Variants in GALNT5 observed in about 807,000 individuals in gnomAD.
The protein encoded by GALNT5 is UDP-GalNAc:polypeptide N-acetylgalactosaminyltransferase 5.
In GALNT5, 72 loss-of-function variants were observed where a neutral mutation model predicts 85.4. The ratio of observed to expected loss-of-function variants is 0.84; its 90% CI spans 0.70 to 1.03. GALNT5 has a LOEUF of 1.03. GALNT5 is among the 50% of genes least tolerant of loss of function. The pLI is 0.00. For missense variants in GALNT5, 1,137 were observed against 1,135.5 expected (o/e 1.00, Z -0.02); for synonymous variants, 404 against 397.0 (o/e 1.02, Z -0.21).
chr2:157,282,221 C>T (rs764513340), intron 1 of GALNT5, among the ~76,000 whole-genome samples: 6 of 151,904 alleles, frequency 3.9e-5, no homozygotes, highest in Non-Finnish European at 7.4e-5. Context: ...TATCAGCTGT[C>T]AATTTATTTT....
chr2:157,275,269 G>A (rs758442117), intron 1 of GALNT5, among the ~76,000 whole-genome samples: 6 of 152,068 alleles, frequency 3.9e-5, no homozygotes, highest in Non-Finnish European at 8.8e-5. Flanking sequence ...GCGTGATGCC[G>A]CCAGCTTTGT....
intron 1 of GALNT5, among the ~76,000 whole-genome samples, chr2:157,271,933 T>C (rs1250316927): frequency 6.6e-6 from 1 of 152,176 alleles, no homozygotes; most frequent in African/African-American, 2.4e-5. Flanking sequence ...GACCCAGCTC[T>C]GAGAATCTTG....
intron 3 of GALNT5, among the ~76,000 whole-genome samples, chr2:157,291,483 AACATCCCTCAAGGAATCCTAG>A (rs1011475815): frequency 7.2e-5 from 11 of 152,206 alleles, no homozygotes; most frequent in Non-Finnish European, 1.3e-4. Flanking sequence ...ACGCCAAGCC[AACATCCCTCAAGGAATCCTAG>A]ACATAACCAT....
intron 1 of GALNT5, among the ~76,000 whole-genome samples, chr2:157,268,791 C>A (rs532752309): frequency 7.2e-5 from 10 of 139,558 alleles, no homozygotes; most frequent in African/African-American, 1.0e-4. Context: ...TAGATTCCCC[C>A]CCAAGACAAA....
chr2:157,274,116 T>C (rs1470362463), intron 1 of GALNT5, among the ~76,000 whole-genome samples: 5 of 152,050 alleles, frequency 3.3e-5, no homozygotes, highest in African/African-American at 4.8e-5. Context: ...AGAATGATGG[T>C]TTTCAGCTTC....
intron 1 of GALNT5, among the ~76,000 whole-genome samples, chr2:157,283,350 CT>C (rs1299648678): frequency 6.6e-6 from 1 of 152,092 alleles, no homozygotes; most frequent in Non-Finnish European, 1.5e-5. Flanking sequence ...CTGGGCACTG[CT>C]TATGAAGAGT....
At chr2:157,305,426 A>C (rs1408992527) in intron 7 of GALNT5, among the ~76,000 whole-genome samples, 1 of 152,196 alleles carries the variant, frequency 6.6e-6, no homozygotes, top group African/African-American at 2.4e-5. Context: ...GATAAACTTA[A>C]GACAAGAAAA....
chr2:157,276,683 T>C (rs2105132966), intron 1 of GALNT5, among the ~76,000 whole-genome samples: 1 of 152,294 alleles, frequency 6.6e-6, no homozygotes, highest in Admixed American at 6.5e-5. Flanking sequence ...CCCTTTATCA[T>C]TTTTTATTGC....
intron 1 of GALNT5, among the ~76,000 whole-genome samples, chr2:157,282,301 A>G: frequency 6.7e-6 from 1 of 148,728 alleles, no homozygotes; most frequent in Admixed American, 6.6e-5. Flanking sequence ...AAACTCACCA[A>G]TCAATGATTT....
intron 1 of GALNT5, among the ~76,000 whole-genome samples, chr2:157,282,224 T>A (rs905620707): frequency 4.6e-5 from 7 of 151,564 alleles, no homozygotes; most frequent in African/African-American, 1.7e-4. Flanking sequence ...CAGCTGTCAA[T>A]TTATTTTTTT....
chr2:157,299,688 T>A (rs759945237), intron 6 of GALNT5, 23 bp downstream of exon 6: 1 of 1,272,166 alleles, frequency 7.9e-7, no homozygotes, highest in East Asian at 2.3e-5. Flanking sequence ...GTTTCCCAAC[T>A]TTTCTTTACG....
At chr2:157,287,338 AT>A (rs922480092) in intron 3 of GALNT5, among the ~76,000 whole-genome samples, 1 of 151,952 alleles carries the variant, frequency 6.6e-6, no homozygotes, top group African/African-American at 2.4e-5. Flanking sequence ...ATTCTTTTTT[AT>A]TTAGCTGGCA....
chr2:157,265,693 G>A (rs923110761), intron 1 of GALNT5, among the ~76,000 whole-genome samples: 3 of 152,148 alleles, frequency 2.0e-5, no homozygotes, highest in Non-Finnish European at 4.4e-5. Flanking sequence ...GGGCTTTTCT[G>A]GCTGATCCAA....
At chr2:157,270,764 G>C (rs1161214300) in intron 1 of GALNT5, among the ~76,000 whole-genome samples, 2 of 152,188 alleles carry the variant, frequency 1.3e-5, no homozygotes, top group Admixed American at 6.5e-5. Context: ...AAATAAGATT[G>C]ATAGATGAAT....
intron 5 of GALNT5, among the ~76,000 whole-genome samples, chr2:157,297,259 A>G (rs575236789): frequency 6.6e-6 from 1 of 152,234 alleles, no homozygotes; most frequent in South Asian, 2.1e-4. Context: ...TTACCCCTCA[A>G]TCAGTCATAC....
intron 6 of GALNT5, among the ~76,000 whole-genome samples, chr2:157,300,070 A>ATTTTG (rs1683305717): frequency 1.3e-5 from 2 of 152,342 alleles, no homozygotes; most frequent in African/African-American, 4.8e-5. Context: ...ATACCTCTAA[A>ATTTTG]GCAGGTCACC....
At chr2:157,286,893 A>AGTGTGTGTGTGTGT (rs3072178) in intron 3 of GALNT5, among the ~76,000 whole-genome samples, 175 of 135,892 alleles carry the variant, frequency 1.3e-3, no homozygotes, top group African/African-American at 4.5e-3. Context: ...TTTAAATACC[A>AGTGTGTGTGTGTGT]GTGTGTGTGT....
chr2:157,291,638 C>CT (rs201589995), intron 3 of GALNT5, among the ~76,000 whole-genome samples: 41 of 138,964 alleles, frequency 3.0e-4, no homozygotes, highest in Non-Finnish European at 5.4e-4. Flanking sequence ...CACCCACCCC[C>CT]CCCCAGATTT....
At position 157,315,774 on chromosome 2, in the gene GALNT5, G is replaced by A. The variant is rs1197161912; in HGVS notation, c.*4426G>A. On this transcript the variant is annotated 3_prime_UTR_variant, in exon 10 of 10. Transcript: ENST00000259056. ...TATTGAAAAAGCTCCATTTTCTGGG[G>A]AAATACCCATGGTTCATTGTCTGAT... Among the ~76,000 whole-genome samples, 1 of 152,154 alleles carries A rather than the reference G, an allele frequency of 6.6e-6. No individual in the cohort carries two copies. The highest frequency in any genetic ancestry group is 2.4e-5 in the African/African-American group (1 of 41,440).
Sources: gnomAD v4.1 joint callset for allele counts (sites outside exome capture counted in the v4.1 genomes callset) on GRCh38, gnomAD v4.1.1 for gene constraint, MANE v1.5 for transcripts, NCBI Gene and HGNC (gene_info 2026-07-23, HGNC 2026-07-21) for gene names.